CNTN4: variants seen among roughly 807,000 people sequenced by gnomAD.
CNTN4 encodes the protein contactin 4, also known as contactin-4.
Under a neutral mutation model 122.5 loss-of-function variants are expected in CNTN4, and 77 were observed. That is an observed-to-expected ratio of 0.63 (90% confidence interval 0.52 to 0.76). The LOEUF (loss-of-function observed/expected upper bound fraction) is 0.76. Among genes scored for constraint, CNTN4 ranks in the 30% least tolerant of loss-of-function variants. CNTN4 has a pLI of 0.00. For synonymous variants in CNTN4, 512 were observed against 447.0 expected (o/e 1.15, Z -1.83); for missense variants, 1,256 against 1,259.1 (o/e 1.00, Z 0.04).
intron 3 of CNTN4, among the ~76,000 whole-genome samples, chr3:2,496,917 T>C (rs2076468208): frequency 6.6e-6 from 1 of 152,122 alleles, no homozygotes; most frequent in Non-Finnish European, 1.5e-5. Context: ...TCTGAAGGCT[T>C]GAGAATCTGG....
At chr3:2,918,449 C>A (rs570307506) in intron 12 of CNTN4, among the ~76,000 whole-genome samples, 2 of 152,116 alleles carry the variant, frequency 1.3e-5, no homozygotes, top group Non-Finnish European at 1.5e-5. Context: ...GTGCACTTGC[C>A]CTGTTACCTT....
intron 3 of CNTN4, among the ~76,000 whole-genome samples, chr3:2,424,827 C>T (rs1033025087): frequency 1.3e-5 from 2 of 152,200 alleles, no homozygotes; most frequent in Non-Finnish European, 2.9e-5. Flanking sequence ...TGATGGTGAG[C>T]ATTTTTTCAT....
chr3:2,969,516 G>GATTATGATTATGATT (rs569083953), intron 13 of CNTN4, among the ~76,000 whole-genome samples: 13 of 121,466 alleles, frequency 1.1e-4, no homozygotes, highest in African/African-American at 6.8e-4. Context: ...GGAAAATTGG[G>GATTATGATTATGATT]ATTATTATTA....
At chr3:2,265,884 A>T (rs2041023910) in intron 2 of CNTN4, among the ~76,000 whole-genome samples, 4 of 151,850 alleles carry the variant, frequency 2.6e-5, no homozygotes, top group Admixed American at 2.6e-4. Context: ...CTGCTAGTGT[A>T]CTGAAACACT....
chr3:2,900,707 A>T lies in CNTN4; in HGVS notation c.963A>T (p.Lys321Asn), dbSNP rs1317262739. Residue 321 changes from lysine (K) to asparagine (N), a missense_variant, in exon 11 of 25, where the codon AAA becomes AAT. Transcript: ENST00000418658. ...TAGCTCAACCTAATTGGATTCAAAA[A>T]ATAAATGATATTCACGTGGCCATGG... The part of the protein sequence containing the change: ...TFYAQPNWIQ[K>N]INDIHVAMEE... 1.2e-6 allele frequency: 2 copies of T among 1,613,884 alleles called. No individual in the cohort carries two copies. Among genetic ancestry groups the T allele is most frequent in the South Asian group, 2.2e-5 (2 of 91,084 alleles).
chr3:2,141,784 C>G (rs904349635), intron 2 of CNTN4, among the ~76,000 whole-genome samples: 2 of 152,082 alleles, frequency 1.3e-5, no homozygotes, highest in African/African-American at 4.8e-5. Context: ...TACTGGTGTT[C>G]AGGCAGATGA....
At chr3:2,507,599 G>C (rs1478040048) in intron 3 of CNTN4, among the ~76,000 whole-genome samples, 1 of 151,762 alleles carries the variant, frequency 6.6e-6, no homozygotes, top group Non-Finnish European at 1.5e-5. Flanking sequence ...GCCAGGCATA[G>C]TGGCAGGCGC....
intron 1 of CNTN4, chr3:2,099,307 CACAAA>C (rs1364395731): frequency 6.6e-6 from 1 of 152,464 alleles, no homozygotes; most frequent in African/African-American, 2.4e-5. Flanking sequence ...GCGAGGCAGC[CACAAA>C]ACAAGGAACC....
At chr3:3,045,722 C>T (rs976230601) in intron 23 of CNTN4, among the ~76,000 whole-genome samples, 1 of 152,202 alleles carries the variant, frequency 6.6e-6, no homozygotes, top group Non-Finnish European at 1.5e-5. Context: ...ATCAGAGCAC[C>T]TCTCCTCCTC....
At chr3:2,592,580 C>T (rs1000735440) in intron 4 of CNTN4, among the ~76,000 whole-genome samples, 9 of 152,172 alleles carry the variant, frequency 5.9e-5, no homozygotes, top group African/African-American at 1.9e-4. Flanking sequence ...GGGAGTTTCT[C>T]TGCACAAACT....
At chr3:2,801,242 G>A (rs1401699932) in intron 6 of CNTN4, among the ~76,000 whole-genome samples, 2 of 152,120 alleles carry the variant, frequency 1.3e-5, no homozygotes, top group East Asian at 3.9e-4. Context: ...CCATTTTCTA[G>A]TTCAGTGAAT....
chr3:3,020,531 C>G (rs147694875), intron 14 of CNTN4, among the ~76,000 whole-genome samples: 18 of 152,238 alleles, frequency 1.2e-4, no homozygotes, highest in African/African-American at 4.1e-4. Flanking sequence ...TAGGCTTTTT[C>G]CAGCCTGGCT....
intron 3 of CNTN4, among the ~76,000 whole-genome samples, chr3:2,402,617 G>C (rs1231070433): frequency 6.6e-6 from 1 of 151,886 alleles, no homozygotes; most frequent in African/African-American, 2.4e-5. Flanking sequence ...GTTAACTAGT[G>C]ACCCTACTTG....
chr3:2,769,647 C>A (rs1340099992), intron 6 of CNTN4, among the ~76,000 whole-genome samples: 3 of 152,090 alleles, frequency 2.0e-5, no homozygotes, highest in African/African-American at 7.2e-5. Context: ...TTAGAAACAC[C>A]TATGTTGGTT....
At chr3:2,628,177 C>G (rs910188461) in intron 4 of CNTN4, among the ~76,000 whole-genome samples, 2 of 152,188 alleles carry the variant, frequency 1.3e-5, no homozygotes, top group African/African-American at 4.8e-5. Context: ...CTGGAGGAGC[C>G]TCAGCATATT....
At chr3:2,951,975 C>T (rs1257522383) in intron 13 of CNTN4, among the ~76,000 whole-genome samples, 2 of 152,148 alleles carry the variant, frequency 1.3e-5, no homozygotes, top group African/African-American at 2.4e-5. Flanking sequence ...ACAGGAAGAC[C>T]TAGGTGATTC....
intron 3 of CNTN4, among the ~76,000 whole-genome samples, chr3:2,365,100 T>C (rs1178994352): frequency 6.9e-6 from 1 of 144,614 alleles, no homozygotes; most frequent in South Asian, 2.1e-4. Context: ...TTGGTTTAAT[T>C]TTTTTTTTAT....
At chr3:2,362,457 C>T (rs974783521) in intron 3 of CNTN4, 1 of 433,544 alleles carries the variant, frequency 2.3e-6, no homozygotes, top group African/African-American at 2.1e-5. Flanking sequence ...CAGCCTACAT[C>T]CTATATGAGG....
chr3:2,733,002 A>C (rs1248091955), intron 4 of CNTN4, among the ~76,000 whole-genome samples: 1 of 152,252 alleles, frequency 6.6e-6, no homozygotes, highest in Non-Finnish European at 1.5e-5. Flanking sequence ...GCAAAGCATC[A>C]TTATTATCAA....
Sources: allele counts gnomAD v4.1 joint callset (sites outside exome capture counted in the v4.1 genomes callset), GRCh38; gene constraint gnomAD v4.1.1; transcripts MANE v1.5; gene names NCBI Gene and HGNC (gene_info 2026-07-23, HGNC 2026-07-21).